Variants in RASEF observed in about 807,000 individuals in gnomAD.
RASEF encodes the protein ras and EF-hand domain-containing protein.
A neutral mutation model predicts 90.1 loss-of-function variants in RASEF; 68 were observed. That is an observed-to-expected ratio of 0.75 (90% CI 0.62 to 0.92). The LOEUF is 0.92. Ranked by LOEUF, RASEF falls within the 40% of genes least tolerant of loss-of-function variation. RASEF has a pLI of 0.00. For missense variants in RASEF, 949 were observed against 937.2 expected, an observed-to-expected ratio of 1.01 and a Z score of -0.16; for synonymous variants, 331 against 345.2, an observed-to-expected ratio of 0.96 and a Z score of 0.46.
At chr9:83,049,304 A>G in intron 1 of RASEF, 1 of 985,334 alleles carries the variant, frequency 1.0e-6, no homozygotes, top group Non-Finnish European at 1.2e-6. Flanking sequence ...AATTAGCAAT[A>G]GTCAGCTAAC....
chr9:83,156,052 C>G, the RASEF span, among the ~76,000 whole-genome samples: 10 of 152,172 alleles, frequency 6.6e-5, no homozygotes, highest in African/African-American at 2.4e-4. Flanking sequence ...TTATAGACAG[C>G]AGATGTCACA....
chr9:83,009,964 C>A (rs1829210087), intron 5 of RASEF, among the ~76,000 whole-genome samples: 1 of 152,138 alleles, frequency 6.6e-6, no homozygotes, highest in African/African-American at 2.4e-5. Context: ...CCCTCAAAGT[C>A]ATTCTTCATT....
chr9:83,207,450 G>C, the RASEF span, among the ~76,000 whole-genome samples: 1 of 152,106 alleles, frequency 6.6e-6, no homozygotes, highest in African/African-American at 2.4e-5. Context: ...TGGGTTCATC[G>C]AAGTTACCAG....
intron 1 of RASEF, among the ~76,000 whole-genome samples, chr9:83,045,908 A>G (rs1829920572): frequency 1.3e-5 from 2 of 152,106 alleles, no homozygotes; most frequent in African/African-American, 4.8e-5. Context: ...TTGTACTGTT[A>G]GCACAGACTG....
rs577424257 is a variant in RASEF at position 83,013,368 on chromosome 9, CCTTGCCAGATGCTAT to C, written c.766-872_766-858del. Among the ~76,000 whole-genome samples, 407 of 152,302 alleles carry C rather than the reference CCTTGCCAGATGCTAT, an allele frequency of 2.7e-3. 4 individuals are homozygous for C. The highest frequency in any genetic ancestry group is 9.3e-3 in the African/African-American group (386 of 41,562). On this transcript the variant is annotated intron_variant, in intron 4 of 16. Coordinates refer to ENST00000376447, the MANE Select transcript of RASEF (RefSeq NM_152573.4). Reference sequence around the variant, plus strand: ...GTGCTTTGATTCTGGACCTTCTTCACCTTGCCAGATGCTATAAAGGGATAGTGTTTACATAACAAC... The same window carrying C: ...GTGCTTTGATTCTGGACCTTCTTCACAAAGGGATAGTGTTTACATAACAAC...
At chr9:83,064,347 G>C (rs934484597), upstream of RASEF, among the ~76,000 whole-genome samples, 2 of 152,170 alleles carry the variant, frequency 1.3e-5, no homozygotes, top group Admixed American at 1.3e-4. Flanking sequence ...CAACCTAATT[G>C]CTAAGTGAAT....
the RASEF span, among the ~76,000 whole-genome samples, chr9:83,166,846 G>A: frequency 2.6e-5 from 4 of 152,146 alleles, no homozygotes; most frequent in Non-Finnish European, 5.9e-5. Context: ...TAGACCCCCA[G>A]TATCAAACCT....
At chr9:83,159,408 G>T in the RASEF span, among the ~76,000 whole-genome samples, 260 of 152,234 alleles carry the variant, frequency 1.7e-3, 2 homozygotes, top group African/African-American at 5.1e-3. Flanking sequence ...TGCAATGAAT[G>T]AAGTATTAAA....
At chr9:83,096,007 T>C in the RASEF span, among the ~76,000 whole-genome samples, 1 of 152,280 alleles carries the variant, frequency 6.6e-6, no homozygotes, top group African/African-American at 2.4e-5. Flanking sequence ...ACCACTCACA[T>C]TGAGATACCT....
the RASEF span, among the ~76,000 whole-genome samples, chr9:83,151,696 A>C: frequency 6.6e-6 from 1 of 152,148 alleles, no homozygotes; most frequent in Non-Finnish European, 1.5e-5. Context: ...CCAGTTATTT[A>C]ATTTAAATGC....
rs1444234879 is a variant in RASEF at position 83,023,776 on chromosome 9, A to C, written c.579-1350T>G. On this transcript the variant is annotated intron_variant, in intron 2 of 16. Transcript: ENST00000376447. ...CTGGGACTGTAAATGGCTAAGGCAC[A>C]TATCCTTTCTCCCTCTGTTATGATA... Among the ~76,000 whole-genome samples, 3 of 152,154 alleles carry C rather than the reference A, an allele frequency of 2.0e-5. No individual in the cohort carries two copies. The East Asian group carries it at 5.8e-4, about 29-fold the overall frequency.
intron 14 of RASEF, among the ~76,000 whole-genome samples, chr9:82,996,598 G>A (rs76322471): frequency 0.027 from 4,128 of 152,194 alleles, 103 homozygotes; most frequent in South Asian, 0.074. Flanking sequence ...CTTGACGCAC[G>A]CTCATATCCA....
At chr9:83,057,870 T>C (rs948872237) in intron 1 of RASEF, among the ~76,000 whole-genome samples, 19 of 147,096 alleles carry the variant, frequency 1.3e-4, no homozygotes, top group African/African-American at 4.5e-4. Context: ...TATATATATA[T>C]ATTCGTCTTT....
intron 1 of RASEF, among the ~76,000 whole-genome samples, chr9:83,043,398 G>GGT (rs1554709864): frequency 2.3e-4 from 19 of 82,520 alleles, no homozygotes; most frequent in East Asian, 2.2e-3. Flanking sequence ...TGCAGTGATT[G>GGT]GGGGGGGGGA....
At chr9:83,179,811 C>A in the RASEF span, among the ~76,000 whole-genome samples, 2 of 152,192 alleles carry the variant, frequency 1.3e-5, no homozygotes, top group South Asian at 2.1e-4. Context: ...CACACATACA[C>A]ACACACACGT....
chr9:83,065,577 A>G (rs1047033200), upstream of RASEF, among the ~76,000 whole-genome samples: 2 of 152,176 alleles, frequency 1.3e-5, no homozygotes, highest in African/African-American at 4.8e-5. Context: ...TCAGTGTGGG[A>G]AGGGACTACA....
chr9:83,117,971 C>T, the RASEF span, among the ~76,000 whole-genome samples: 1 of 152,166 alleles, frequency 6.6e-6, no homozygotes, highest in Non-Finnish European at 1.5e-5. Flanking sequence ...GAAGGTCTAA[C>T]TTCTGTAATT....
the RASEF span, among the ~76,000 whole-genome samples, chr9:83,154,526 T>C: frequency 2.6e-5 from 4 of 152,078 alleles, no homozygotes; most frequent in African/African-American, 9.7e-5. Context: ...GAAGCTAGTC[T>C]CCTCCCCTTC....
rs540495240 is a variant in RASEF at position 83,049,434 on chromosome 9, T to C, written c.431+13003A>G. The C allele has an allele frequency of 8.2e-4, 556 of 675,954 alleles. 2 individuals are homozygous for C. Among genetic ancestry groups the C allele is most frequent in the Admixed American group, 1.4e-3 (22 of 15,850 alleles). 41.9% of individuals were successfully genotyped at this position (675,954 alleles called of 1,614,324 possible). ...CAAAAGCCCATTCTCCCATCACTTT[T>C]CTATTTAGACCACAGAAAATCCAGC... On this transcript the variant is annotated intron_variant, in intron 1 of 16. Transcript: ENST00000376447.
Sources: gnomAD v4.1 joint callset for allele counts (sites outside exome capture counted in the v4.1 genomes callset) on GRCh38, gnomAD v4.1.1 for gene constraint, MANE v1.5 for transcripts, NCBI Gene and HGNC (gene_info 2026-07-23, HGNC 2026-07-21) for gene names.